The following INPP5A variants were observed in gnomAD, a reference collection of about 807,000 sequenced individuals.
INPP5A encodes the protein 43 kDa inositol polyphosphate 5-phophatase.
A neutral mutation model predicts 65.2 loss-of-function variants in INPP5A; 14 were observed. The ratio of observed to expected loss-of-function variants is 0.21; its 90% CI spans 0.14 to 0.34. INPP5A has a LOEUF of 0.34. INPP5A is among the 10% of genes least tolerant of loss of function. The probability of loss-of-function intolerance (pLI) is 1.00; values close to 1 mark genes in which losing one functional copy is unlikely to be tolerated. For missense variants in INPP5A, 431 were observed against 545.6 expected, an observed-to-expected ratio of 0.79 and a Z score of 2.09; for synonymous variants, 207 against 208.3, an observed-to-expected ratio of 0.99 and a Z score of 0.05.
At chr10:132,592,510 G>A (rs1358058687) in intron 1 of INPP5A, among the ~76,000 whole-genome samples, 1 of 152,142 alleles carries the variant, frequency 6.6e-6, no homozygotes, top group African/African-American at 2.4e-5. Flanking sequence ...CCGCCTCCCG[G>A]GTTCAAGTGA....
chr10:132,660,830 A>G (rs898731630), intron 4 of INPP5A, among the ~76,000 whole-genome samples: 1 of 152,234 alleles, frequency 6.6e-6, no homozygotes, highest in Non-Finnish European at 1.5e-5. Flanking sequence ...GAGTCCTCTG[A>G]TATCTACCTT....
intron 2 of INPP5A, among the ~76,000 whole-genome samples, chr10:132,638,872 C>T (rs899633509): frequency 2.6e-5 from 4 of 152,138 alleles, no homozygotes; most frequent in Admixed American, 1.3e-4. Context: ...CTGGCAGCTT[C>T]CACTTTTTCT....
chr10:132,722,135 T>C (rs1041075160), intron 8 of INPP5A, among the ~76,000 whole-genome samples: 2 of 152,222 alleles, frequency 1.3e-5, no homozygotes, highest in Non-Finnish European at 2.9e-5. Context: ...GTCGATGTTT[T>C]TGCTTATGTA....
intron 4 of INPP5A, among the ~76,000 whole-genome samples, chr10:132,653,023 C>T (rs186941052): frequency 0.013 from 2,010 of 152,200 alleles, 25 homozygotes; most frequent in Non-Finnish European, 0.022. Context: ...GCCCGCCACC[C>T]GCACCCTTGG....
At chr10:132,584,899 A>AT (rs1443958057) in intron 1 of INPP5A, among the ~76,000 whole-genome samples, 1 of 152,016 alleles carries the variant, frequency 6.6e-6, no homozygotes, top group Non-Finnish European at 1.5e-5. Context: ...TAAGCTTTTA[A>AT]TTTTTTTGTA....
intron 4 of INPP5A, among the ~76,000 whole-genome samples, chr10:132,679,461 A>G (rs949847250): frequency 1.3e-5 from 2 of 152,082 alleles, no homozygotes; most frequent in African/African-American, 4.8e-5. Context: ...GGAAGATGGG[A>G]CAGACGGGCC....
At chr10:132,552,280 G>A (rs578085911) in intron 1 of INPP5A, among the ~76,000 whole-genome samples, 1,721 of 144,936 alleles carry the variant, frequency 0.012, 20 homozygotes, top group African/African-American at 0.042. Context: ...AGTGGGATAG[G>A]GAGGGAGGAT....
At chr10:132,748,034 AT>A (rs1473616156) in intron 9 of INPP5A, among the ~76,000 whole-genome samples, 4 of 152,204 alleles carry the variant, frequency 2.6e-5, no homozygotes, top group African/African-American at 9.6e-5. Context: ...TGGATGACAG[AT>A]CAAGACCCTA....
In INPP5A at chr10:132,575,493, G is replaced by T. The variant is rs979912526; in HGVS notation, c.76-32422G>T. ...ACATCATAAAATTAGTAACCAAACC[G>T]ATCTAACCACATTCACAATCATTTG... On this transcript the variant is annotated intron_variant, in intron 1 of 15. Transcript: ENST00000368594. This position sits in a 1 kb window ranked among gnomAD's most constrained non-coding sequence, Gnocchi z 5.4. Among the ~76,000 whole-genome samples the T allele has an allele frequency of 3.3e-5, 5 of 152,112 alleles. No individual in the cohort carries two copies. Among genetic ancestry groups the T allele is most frequent in the African/African-American group, 1.2e-4 (5 of 41,438 alleles).
At chr10:132,740,303 G>A (rs951196214) in intron 9 of INPP5A, among the ~76,000 whole-genome samples, 5 of 152,192 alleles carry the variant, frequency 3.3e-5, no homozygotes, top group African/African-American at 1.2e-4. Context: ...GAACTGTAAC[G>A]GAATTACCCC....
chr10:132,755,503 TGA>T (rs1846584989), intron 11 of INPP5A, among the ~76,000 whole-genome samples: 1 of 137,920 alleles, frequency 7.3e-6, no homozygotes, highest in East Asian at 2.1e-4. Context: ...GGTGTGTGCA[TGA>T]GAGCAGGTGT....
chr10:132,611,001 AG>A (rs1210983618), intron 2 of INPP5A, among the ~76,000 whole-genome samples: 1 of 149,964 alleles, frequency 6.7e-6, no homozygotes, highest in Non-Finnish European at 1.5e-5. Context: ...CTGTCAGAGG[AG>A]GGGAGGGAGG....
intron 4 of INPP5A, among the ~76,000 whole-genome samples, chr10:132,670,749 G>C (rs2072879198): frequency 6.6e-6 from 1 of 151,800 alleles, no homozygotes; most frequent in Non-Finnish European, 1.5e-5. Flanking sequence ...CAAACAGGCA[G>C]GCATTTCCCT....
intron 7 of INPP5A, among the ~76,000 whole-genome samples, chr10:132,709,629 G>A (rs561136542): frequency 1.4e-4 from 22 of 152,300 alleles, no homozygotes; most frequent in African/African-American, 4.3e-4. Context: ...GGGCAAGACC[G>A]CCTGCACGCA....
chr10:132,557,433 G>A (rs896493374), intron 1 of INPP5A, among the ~76,000 whole-genome samples: 4 of 152,272 alleles, frequency 2.6e-5, no homozygotes, highest in Admixed American at 1.3e-4. Flanking sequence ...GCAGAGTCAC[G>A]AGGGGGGTTT....
At chr10:132,718,787 T>C (rs1845797821) in intron 8 of INPP5A, among the ~76,000 whole-genome samples, 1 of 147,272 alleles carries the variant, frequency 6.8e-6, no homozygotes. Flanking sequence ...GGTACCTCGG[T>C]TCTGTCTGGG....
intron 8 of INPP5A, among the ~76,000 whole-genome samples, chr10:132,725,738 GCCTGGCTAATAA>G (rs1845974725): frequency 6.6e-6 from 1 of 152,180 alleles, no homozygotes; most frequent in Admixed American, 6.5e-5. Flanking sequence ...TCTCACTTTT[GCCTGGCTAATAA>G]CCTGAGTTTA....
At chr10:132,668,128 G>A (rs1341129501) in intron 4 of INPP5A, among the ~76,000 whole-genome samples, 2 of 152,150 alleles carry the variant, frequency 1.3e-5, no homozygotes, top group East Asian at 1.9e-4. Flanking sequence ...GGAGTCTGCC[G>A]GCCTTGCAGG....
At chr10:132,635,300 C>T (rs1374595318) in intron 2 of INPP5A, among the ~76,000 whole-genome samples, 1 of 151,332 alleles carries the variant, frequency 6.6e-6, no homozygotes, top group Non-Finnish European at 1.5e-5. Flanking sequence ...GTACCCTTTT[C>T]CCCTCATTCC....
Sources: gnomAD v4.1 joint callset for allele counts (sites outside exome capture counted in the v4.1 genomes callset) on GRCh38, gnomAD v4.1.1 for gene constraint, Gnocchi (gnomAD v3.1) non-coding constraint, MANE v1.5 for transcripts, NCBI Gene and HGNC (gene_info 2026-07-23, HGNC 2026-07-21) for gene names.